The following DCAF6 variants were observed in gnomAD, a reference collection of about 807,000 sequenced individuals.
The protein encoded by DCAF6 is DDB1- and CUL4-associated factor 6.
In DCAF6, 54 loss-of-function variants were observed where a neutral mutation model predicts 125.1. That is an observed-to-expected ratio of 0.43 (90% CI 0.35 to 0.54). The LOEUF is 0.54. Among genes scored for constraint, DCAF6 ranks in the 20% least tolerant of loss-of-function variants. DCAF6 has a pLI of 0.01. For synonymous variants in DCAF6, 371 were observed against 390.4 expected, an observed-to-expected ratio of 0.95 and a Z score of 0.58; for missense variants, 934 against 1,161.7, an observed-to-expected ratio of 0.80 and a Z score of 2.85.
At chr1:167,994,620 A>C (rs1681378719) in intron 7 of DCAF6, among the ~76,000 whole-genome samples, 1 of 152,216 alleles carries the variant, frequency 6.6e-6, no homozygotes, top group Non-Finnish European at 1.5e-5. Flanking sequence ...GAAGATAATG[A>C]ATTTATTATT....
rs574925940 is a variant in DCAF6 at position 168,006,874 on chromosome 1, C to T, written c.1378+2081C>T. On this transcript the variant is annotated intron_variant, in intron 10 of 21. Coordinates refer to ENST00000367840, the MANE Select transcript of DCAF6 (RefSeq NM_001198956.2). ...AATGGGAATATGAAAATTTGCTACG[C>T]TCCATCTCTGGTTGAACCTAATTGT... Among the ~76,000 whole-genome samples, 16 of 152,294 alleles carry T rather than the reference C, an allele frequency of 1.1e-4. No homozygotes were observed. In the South Asian group the frequency reaches 3.3e-3, roughly 32 times the overall value.
intron 4 of DCAF6, among the ~76,000 whole-genome samples, chr1:167,977,733 C>T (rs1165926219): frequency 6.6e-6 from 1 of 152,126 alleles, no homozygotes; most frequent in African/African-American, 2.4e-5. Flanking sequence ...TTAGCCATAT[C>T]AGACCTGCTT....
At chr1:167,877,440 G>A in the DCAF6 span, among the ~76,000 whole-genome samples, 1 of 151,534 alleles carries the variant, frequency 6.6e-6, no homozygotes, top group Non-Finnish European at 1.5e-5. Context: ...TGCAGCCCTG[G>A]TTCTGTTATC....
At chr1:168,041,058 A>C (rs1688466706) in intron 13 of DCAF6, among the ~76,000 whole-genome samples, 1 of 151,968 alleles carries the variant, frequency 6.6e-6, no homozygotes. Flanking sequence ...GAATCTCTCT[A>C]AATCTCAGTT....
At chr1:167,928,319 G>GA in the DCAF6 span, among the ~76,000 whole-genome samples, 11,159 of 91,344 alleles carry the variant, frequency 0.12, 498 homozygotes, top group Middle Eastern at 0.24. Context: ...CTGCACTCCA[G>GA]AAAAAAAAAA....
chr1:167,936,871 C>A lies in DCAF6; in HGVS notation c.-41C>A. 6.6e-7 allele frequency: 1 copy of A among 1,517,382 alleles called. No individual in the cohort carries two copies. The highest frequency in any genetic ancestry group is 2.4e-5 in the East Asian group (1 of 41,962). The allele number at this position is 1,517,382 out of a possible 1,614,324, so 94.0% of individuals were successfully genotyped here. A position where few individuals can be genotyped will look rare whatever the true frequency, so the allele number is the denominator to read the frequency against. On this transcript the variant is annotated 5_prime_UTR_variant, in exon 1 of 22. Transcript: ENST00000367840. ...TGTCCCCTCCCCCTCCTCCCCTCCCCCACGCGGTGGTCTCCCCTCCCACCC... is the reference window on the plus strand; with the variant it reads ...TGTCCCCTCCCCCTCCTCCCCTCCCACACGCGGTGGTCTCCCCTCCCACCC...
intron 17 of DCAF6, among the ~76,000 whole-genome samples, chr1:168,054,144 A>G (rs1690302299): frequency 6.6e-6 from 1 of 152,230 alleles, no homozygotes; most frequent in African/African-American, 2.4e-5. Flanking sequence ...TAACGCTAAC[A>G]TACTAATAGT....
chr1:168,000,970 G>T lies in DCAF6; in HGVS notation c.904-1512G>T, dbSNP rs1682530250. Among the ~76,000 whole-genome samples the T allele has an allele frequency of 2.0e-5, 3 of 152,074 alleles. No individual in the cohort carries two copies. The South Asian group carries it at 6.2e-4, about 32-fold the overall frequency. ...ACTGAATTGTATAATTTAAAATTAT[G>T]AATATTATGGTATGTGAATTATATT... On this transcript the variant is annotated intron_variant, in intron 7 of 21. Coordinates refer to ENST00000367840, the MANE Select transcript of DCAF6 (RefSeq NM_001198956.2).
intron 12 of DCAF6, among the ~76,000 whole-genome samples, chr1:168,028,752 T>C (rs1482722586): frequency 6.6e-6 from 1 of 152,152 alleles, no homozygotes; most frequent in Non-Finnish European, 1.5e-5. Flanking sequence ...TACCTTAAGA[T>C]TATATACTAT....
chr1:167,896,549 T>C, the DCAF6 span: 1 of 1,452,800 alleles, frequency 6.9e-7, no homozygotes, highest in Non-Finnish European at 9.7e-7. Context: ...AAGACCCTAC[T>C]GACCACTGGT....
the DCAF6 span, among the ~76,000 whole-genome samples, chr1:167,926,094 G>A: frequency 1.3e-5 from 2 of 152,150 alleles, no homozygotes; most frequent in African/African-American, 2.4e-5. Context: ...TTCCTTGTGG[G>A]ACTACTCAGC....
At chr1:168,011,343 C>A (rs969889709) in intron 10 of DCAF6, among the ~76,000 whole-genome samples, 3 of 151,980 alleles carry the variant, frequency 2.0e-5, no homozygotes, top group African/African-American at 7.3e-5. Flanking sequence ...GTCTTGATCT[C>A]CTGAGCTCGT....
intron 4 of DCAF6, among the ~76,000 whole-genome samples, chr1:167,975,719 T>TTTG (rs939035535): frequency 2.6e-5 from 4 of 151,922 alleles, no homozygotes; most frequent in Non-Finnish European, 4.4e-5. Context: ...CTAATTTAAT[T>TTTG]TTGTTGTTGT....
the DCAF6 span, chr1:167,917,703 G>T: frequency 6.6e-6 from 1 of 151,794 alleles, no homozygotes; most frequent in Non-Finnish European, 1.5e-5. Flanking sequence ...ATCAGTTACT[G>T]AGGGTAATTG....
chr1:167,881,324 T>C, the DCAF6 span, among the ~76,000 whole-genome samples: 1 of 152,180 alleles, frequency 6.6e-6, no homozygotes, highest in Non-Finnish European at 1.5e-5. Context: ...AAGGGCATTG[T>C]GAATAAAGGG....
At chr1:168,057,494 C>T (rs1480985481) in intron 17 of DCAF6, among the ~76,000 whole-genome samples, 2 of 152,134 alleles carry the variant, frequency 1.3e-5, no homozygotes, top group Non-Finnish European at 2.9e-5. Flanking sequence ...TTAAATGTTT[C>T]TTCCAAATAG....
the DCAF6 span, among the ~76,000 whole-genome samples, chr1:167,913,626 T>C: frequency 6.6e-6 from 1 of 152,100 alleles, no homozygotes; most frequent in African/African-American, 2.4e-5. Flanking sequence ...CTTCTACATA[T>C]CTTTGTTTAC....
chr1:167,969,871 G>T (rs1306629190), intron 3 of DCAF6, among the ~76,000 whole-genome samples: 1 of 152,214 alleles, frequency 6.6e-6, no homozygotes, highest in East Asian at 1.9e-4. Context: ...CTGCCTCCCA[G>T]ATTCAAGAGT....
At chr1:167,924,318 CTAAAG>C in the DCAF6 span, 4 of 462,036 alleles carry the variant, frequency 8.7e-6, no homozygotes, top group East Asian at 3.6e-5. Context: ...TTCAGAAAAA[CTAAAG>C]TAGATAGTTG....
Sources: gnomAD v4.1 joint callset for allele counts (sites outside exome capture counted in the v4.1 genomes callset) on GRCh38, gnomAD v4.1.1 for gene constraint, MANE v1.5 for transcripts, NCBI Gene and HGNC (gene_info 2026-07-23, HGNC 2026-07-21) for gene names.